MACROD2: variants seen among roughly 807,000 people sequenced by gnomAD.
MACROD2 encodes mono-ADP ribosylhydrolase 2.
Under a neutral mutation model 70.4 loss-of-function variants are expected in MACROD2, and 36 were observed. The observed-to-expected ratio is 0.51, with a 90% confidence interval of 0.39 to 0.68. The LOEUF (loss-of-function observed/expected upper bound fraction) is 0.68, where lower values mean the gene tolerates loss of function less well. Ranked by LOEUF, MACROD2 falls within the 30% of genes least tolerant of loss-of-function variation. The pLI is 0.00. For synonymous variants in MACROD2, 172 were observed against 178.8 expected (o/e 0.96, Z 0.30); for missense variants, 496 against 538.4 (o/e 0.92, Z 0.78).
At chr20:15,029,122 A>AT (rs934758783) in intron 5 of MACROD2, among the ~76,000 whole-genome samples, 1 of 152,132 alleles carries the variant, frequency 6.6e-6, no homozygotes, top group African/African-American at 2.4e-5. Context: ...ATCCAGGGAG[A>AT]TTTTAGTGCC....
At chr20:14,070,769 T>C (rs2053827099) in intron 2 of MACROD2, among the ~76,000 whole-genome samples, 1 of 152,166 alleles carries the variant, frequency 6.6e-6, no homozygotes, top group African/African-American at 2.4e-5. Flanking sequence ...CTGAATCCTG[T>C]CTATGGGTGC....
At chr20:15,583,627 G>GT (rs1300198307) in intron 8 of MACROD2, among the ~76,000 whole-genome samples, 2 of 151,744 alleles carry the variant, frequency 1.3e-5, no homozygotes, top group Non-Finnish European at 2.9e-5. Context: ...CATGCCATGT[G>GT]TTTTTTGTTT....
At chr20:15,945,083 C>G (rs1462977145) in intron 12 of MACROD2, among the ~76,000 whole-genome samples, 1 of 152,136 alleles carries the variant, frequency 6.6e-6, no homozygotes, top group East Asian at 1.9e-4. Context: ...TTCTACTCCT[C>G]AACTTGAGTT....
chr20:15,242,707 T>C (rs2077070320), intron 6 of MACROD2, among the ~76,000 whole-genome samples: 1 of 152,240 alleles, frequency 6.6e-6, no homozygotes. Flanking sequence ...GATCTAGTAG[T>C]ATATTTTTAA....
intron 15 of MACROD2, among the ~76,000 whole-genome samples, chr20:16,040,608 G>A (rs946780795): frequency 1.3e-5 from 2 of 149,594 alleles, no homozygotes; most frequent in Non-Finnish European, 3.0e-5. Flanking sequence ...AGCACCTTGT[G>A]AAGCTGTGCA....
At chr20:14,461,970 C>A (rs894038974) in intron 3 of MACROD2, among the ~76,000 whole-genome samples, 4 of 151,994 alleles carry the variant, frequency 2.6e-5, no homozygotes, top group African/African-American at 9.7e-5. Context: ...GTCTTTATAG[C>A]AGCATGATTT....
intron 5 of MACROD2, among the ~76,000 whole-genome samples, chr20:14,750,247 TA>T (rs1376033552): frequency 6.6e-6 from 1 of 152,140 alleles, no homozygotes; most frequent in Non-Finnish European, 1.5e-5. Flanking sequence ...TTTGAGATGT[TA>T]AATGATTTAG....
chr20:14,861,328 C>T (rs962644961), intron 5 of MACROD2, among the ~76,000 whole-genome samples: 5 of 152,084 alleles, frequency 3.3e-5, no homozygotes, highest in Non-Finnish European at 5.9e-5. Context: ...CTTGTCTACT[C>T]ATTGGAATAT....
chr20:15,722,817 G>A (rs2050805880), intron 8 of MACROD2, among the ~76,000 whole-genome samples: 1 of 152,006 alleles, frequency 6.6e-6, no homozygotes, highest in African/African-American at 2.4e-5. Flanking sequence ...GAAGTCATGA[G>A]GCTATCATTT....
chr20:14,702,568 C>T (rs6135231), intron 5 of MACROD2, among the ~76,000 whole-genome samples: 18,774 of 60,344 alleles, frequency 0.31, 3,386 homozygotes, highest in Non-Finnish European at 0.33. Flanking sequence ...TATATATACA[C>T]ATATATGTGT....
At chr20:15,006,116 C>A (rs1011309099) in intron 5 of MACROD2, among the ~76,000 whole-genome samples, 2 of 149,026 alleles carry the variant, frequency 1.3e-5, no homozygotes, top group Non-Finnish European at 3.0e-5. Flanking sequence ...TAAAAAGACA[C>A]AAAGAATGCA....
intron 3 of MACROD2, among the ~76,000 whole-genome samples, chr20:14,191,735 G>A (rs2081389861): frequency 6.6e-6 from 1 of 152,210 alleles, no homozygotes; most frequent in Admixed American, 6.5e-5. Flanking sequence ...AGAGGGAACT[G>A]CAAGTACAAA....
intron 3 of MACROD2, among the ~76,000 whole-genome samples, chr20:14,295,941 A>G (rs539890484): frequency 6.6e-6 from 1 of 151,920 alleles, no homozygotes; most frequent in Non-Finnish European, 1.5e-5. Flanking sequence ...TTGAGGTACT[A>G]TTCTTGGCCT....
At position 14,330,546 on chromosome 20, in the gene MACROD2, AG is replaced by A. The variant is rs531123153; in HGVS notation, c.272-162932del. Among the ~76,000 whole-genome samples, 13 of 152,220 alleles carry A rather than the reference AG, an allele frequency of 8.5e-5. 1 individual carries two copies. The South Asian group carries it at 2.7e-3, about 32-fold the overall frequency. On this transcript the variant is annotated intron_variant, in intron 3 of 17. Transcript: ENST00000684519. The stretch of plus-strand genomic sequence containing the variant: ...TGTTTCTGGTTCTCTCCAAAAATTC[AG>A]TTTCTTTTAGTTTGCTAACTACATA...
chr20:14,930,348 T>G (rs1426094971), intron 5 of MACROD2, among the ~76,000 whole-genome samples: 1 of 152,178 alleles, frequency 6.6e-6, no homozygotes, highest in East Asian at 1.9e-4. Flanking sequence ...CTCACCAGTT[T>G]AAACACAGTT....
chr20:14,467,638 C>G (rs1460300785), intron 3 of MACROD2, among the ~76,000 whole-genome samples: 3 of 152,060 alleles, frequency 2.0e-5, no homozygotes, highest in Non-Finnish European at 4.4e-5. Context: ...GAGCTGTAGA[C>G]TGGAGCTGTT....
At chr20:15,044,030 G>T (rs2075374786) in intron 5 of MACROD2, among the ~76,000 whole-genome samples, 2 of 152,118 alleles carry the variant, frequency 1.3e-5, no homozygotes, top group Non-Finnish European at 2.9e-5. Context: ...TTTTATGGAG[G>T]TGTCATTAAA....
At chr20:14,937,506 TCC>T (rs2074350891) in intron 5 of MACROD2, among the ~76,000 whole-genome samples, 1 of 152,158 alleles carries the variant, frequency 6.6e-6, no homozygotes, top group African/African-American at 2.4e-5. Context: ...CAGACTGTGG[TCC>T]AGTTTGGGTC....
At chr20:14,945,124 T>C (rs1340607237) in intron 5 of MACROD2, among the ~76,000 whole-genome samples, 1 of 152,020 alleles carries the variant, frequency 6.6e-6, no homozygotes, top group African/African-American at 2.4e-5. Context: ...CTTTTTTTTT[T>C]CTTTTTTTTG....
Sources: allele counts gnomAD v4.1 joint callset (sites outside exome capture counted in the v4.1 genomes callset), GRCh38; gene constraint gnomAD v4.1.1; transcripts MANE v1.5; gene names NCBI Gene and HGNC (gene_info 2026-07-23, HGNC 2026-07-21).